Variants in SRBD1 observed in about 807,000 individuals in gnomAD.
SRBD1 encodes S1 RNA binding domain 1, also known as S1 RNA-binding domain-containing protein 1.
A neutral mutation model predicts 115.3 loss-of-function variants in SRBD1; 88 were observed. That is an observed-to-expected ratio of 0.76 (90% confidence interval 0.64 to 0.91). SRBD1 has a LOEUF of 0.91. Ranked by LOEUF, SRBD1 falls within the 40% of genes least tolerant of loss-of-function variation. The probability of loss-of-function intolerance (pLI) is 0.00; values close to 1 mark genes in which losing one functional copy is unlikely to be tolerated. For synonymous variants in SRBD1, 509 were observed against 407.7 expected, an observed-to-expected ratio of 1.25 and a Z score of -2.99; for missense variants, 1,385 against 1,177.4, an observed-to-expected ratio of 1.18 and a Z score of -2.58.
At chr2:45,482,138 A>AT (rs998847908) in intron 15 of SRBD1, among the ~76,000 whole-genome samples, 1 of 152,150 alleles carries the variant, frequency 6.6e-6, no homozygotes, top group Non-Finnish European at 1.5e-5. Context: ...TGAAGCTATT[A>AT]TTTTTTAAAA....
At chr2:45,428,506 G>A (rs1024255775) in intron 16 of SRBD1, among the ~76,000 whole-genome samples, 1 of 152,008 alleles carries the variant, frequency 6.6e-6, no homozygotes, top group African/African-American at 2.4e-5. Context: ...AGCCGAGACT[G>A]CGCCACTGCA....
chr2:45,532,294 T>C (rs914669307), intron 14 of SRBD1, among the ~76,000 whole-genome samples: 3 of 151,876 alleles, frequency 2.0e-5, no homozygotes, highest in Admixed American at 2.0e-4. Flanking sequence ...TGACAGACAG[T>C]GTTAAATACC....
intron 15 of SRBD1, among the ~76,000 whole-genome samples, chr2:45,483,895 T>G (rs1396407175): frequency 1.3e-5 from 2 of 152,098 alleles, no homozygotes; most frequent in Non-Finnish European, 2.9e-5. Context: ...GAGAAAGATG[T>G]TGAACTGAAA....
intron 16 of SRBD1, among the ~76,000 whole-genome samples, chr2:45,434,771 CT>C (rs200003604): frequency 4.7e-4 from 68 of 145,436 alleles, no homozygotes; most frequent in South Asian, 1.5e-3. Context: ...CATTTTTTTT[CT>C]TTTTTTTTTT....
At chr2:45,608,137 A>G (rs569054000) in intron 1 of SRBD1, among the ~76,000 whole-genome samples, 30 of 152,320 alleles carry the variant, frequency 2.0e-4, no homozygotes, top group Middle Eastern at 6.8e-3. Context: ...GGACAGGCAA[A>G]CCCTTGGCAG....
At chr2:45,530,349 A>G (rs1186354221) in intron 14 of SRBD1, among the ~76,000 whole-genome samples, 1 of 152,006 alleles carries the variant, frequency 6.6e-6, no homozygotes, top group Non-Finnish European at 1.5e-5. Flanking sequence ...ACACAACACT[A>G]AGGCCAATTC....
At chr2:45,438,223 G>C (rs1418189917) in intron 16 of SRBD1, among the ~76,000 whole-genome samples, 5 of 152,092 alleles carry the variant, frequency 3.3e-5, no homozygotes, top group Non-Finnish European at 5.9e-5. Context: ...TGATCTGATA[G>C]TCTGATCTGA....
intron 10 of SRBD1, among the ~76,000 whole-genome samples, chr2:45,560,077 C>G (rs555694807): frequency 9.2e-5 from 14 of 151,794 alleles, no homozygotes; most frequent in Non-Finnish European, 1.6e-4. Flanking sequence ...AGAGTGAGAC[C>G]CTGTCTCAAA....
At chr2:45,414,317 TG>T in intron 18 of SRBD1, among the ~76,000 whole-genome samples, 1 of 151,916 alleles carries the variant, frequency 6.6e-6, no homozygotes, top group Non-Finnish European at 1.5e-5. Flanking sequence ...CAAAGAAAAA[TG>T]ATGATATGAA....
At chr2:45,433,271 T>C (rs187151306) in intron 16 of SRBD1, among the ~76,000 whole-genome samples, 1 of 152,152 alleles carries the variant, frequency 6.6e-6, no homozygotes, top group Non-Finnish European at 1.5e-5. Flanking sequence ...AGAGAGTGGA[T>C]GCTGAGTGCA....
intron 19 of SRBD1, among the ~76,000 whole-genome samples, chr2:45,410,362 A>T (rs920259322): frequency 6.6e-6 from 1 of 150,728 alleles, no homozygotes; most frequent in South Asian, 2.1e-4. Flanking sequence ...TGACTTATCA[A>T]TTCCTCTCGT....
chr2:45,565,842 T>A (rs1672811398), intron 9 of SRBD1, among the ~76,000 whole-genome samples: 1 of 152,238 alleles, frequency 6.6e-6, no homozygotes, highest in Non-Finnish European at 1.5e-5. Context: ...GCCAGGCTGG[T>A]CTCGAACTCC....
chr2:45,389,453 G>A lies in SRBD1; in HGVS notation c.2845C>T (p.Arg949Ter), dbSNP rs573722234. 44 of 1,613,810 alleles carry A rather than the reference G, an allele frequency of 2.7e-5. No homozygotes were observed. The highest frequency in any genetic ancestry group is 3.6e-5 in the Non-Finnish European group (43 of 1,179,950). Residue 949 changes from arginine (R) to a stop codon, truncating the protein, a stop_gained, in exon 21 of 21, where the codon CGA becomes TGA. Transcript: ENST00000263736. LOFTEE classifies it high-confidence loss of function. The part of the protein sequence containing the change: ...GVGKSGLIPI[R>*]NVTEAKLSKT... ...GAAAGTTTTGCTTCTGTTACATTTCGTATGGGAATCAGCCCAGATTTCCCC... is the reference window on the plus strand; with the variant it reads ...GAAAGTTTTGCTTCTGTTACATTTCATATGGGAATCAGCCCAGATTTCCCC...
chr2:45,512,886 A>AG (rs1307379671), intron 14 of SRBD1, among the ~76,000 whole-genome samples: 2 of 152,112 alleles, frequency 1.3e-5, no homozygotes, highest in Non-Finnish European at 2.9e-5. Flanking sequence ...ATTCTGTTAG[A>AG]GAAAAAAAAG....
At chr2:45,518,834 T>A (rs1348605269) in intron 14 of SRBD1, among the ~76,000 whole-genome samples, 1 of 152,078 alleles carries the variant, frequency 6.6e-6, no homozygotes, top group Non-Finnish European at 1.5e-5. Flanking sequence ...GAGGCAACAA[T>A]TTACAAACTG....
At chr2:45,468,581 G>A (rs1002674014) in intron 16 of SRBD1, among the ~76,000 whole-genome samples, 3 of 151,908 alleles carry the variant, frequency 2.0e-5, no homozygotes, top group African/African-American at 4.8e-5. Flanking sequence ...TAGAGATGAC[G>A]TCTCACTATG....
chr2:45,421,505 T>TAAAAAAAAAAAAAA, intron 16 of SRBD1, among the ~76,000 whole-genome samples: 1 of 46,294 alleles, frequency 2.2e-5, no homozygotes, highest in Non-Finnish European at 3.3e-5. Flanking sequence ...AGACTCCGTC[T>TAAAAAAAAAAAAAA]CAAACAAAAA....
chr2:45,585,752 A>G lies in SRBD1; in HGVS notation c.671T>C (p.Ile224Thr). The change falls in exon 5 of 21, where the codon ATT becomes ACT. Residue 224 changes from isoleucine (I) to threonine (T), a missense_variant. Ile to Thr is a moderately conservative substitution (Grantham distance 89). Transcript: ENST00000263736. Reference protein sequence around the residue: ...MVQVLSERTNIEPWVCANIIR... With the variant: ...MVQVLSERTNTEPWVCANIIR... Reference sequence around the variant, plus strand: ...GATGTTGGCACAAACCCAAGGTTCAATATTAGTTCTCTCAGATAAAACCTG... The same window carrying G: ...GATGTTGGCACAAACCCAAGGTTCAGTATTAGTTCTCTCAGATAAAACCTG... 1 of 1,597,706 alleles carries G rather than the reference A, an allele frequency of 6.3e-7. No individual in the cohort carries two copies. Among genetic ancestry groups the G allele is most frequent in the Non-Finnish European group, 8.5e-7 (1 of 1,176,230 alleles).
intron 9 of SRBD1, among the ~76,000 whole-genome samples, chr2:45,571,204 A>AAC (rs1672996354): frequency 6.6e-6 from 1 of 152,192 alleles, no homozygotes; most frequent in South Asian, 2.1e-4. Context: ...GTGCCCCAAC[A>AAC]AAGTGCCAAT....
Sources: allele counts gnomAD v4.1 joint callset (sites outside exome capture counted in the v4.1 genomes callset), GRCh38; gene constraint gnomAD v4.1.1; transcripts MANE v1.5; gene names NCBI Gene and HGNC (gene_info 2026-07-23, HGNC 2026-07-21).